TRPM7: variants seen among roughly 807,000 people sequenced by gnomAD.
TRPM7 encodes the protein transient receptor potential cation channel subfamily M member 7, also known as LTRPC ion channel family member 7.
A neutral mutation model predicts 229.7 loss-of-function variants in TRPM7; 134 were observed. The ratio of observed to expected loss-of-function variants is 0.58; its 90% CI spans 0.51 to 0.67. The LOEUF (loss-of-function observed/expected upper bound fraction) is 0.67. Ranked by LOEUF, TRPM7 falls within the 30% of genes least tolerant of loss-of-function variation. TRPM7 has a pLI of 0.00. For missense variants in TRPM7, 1,901 were observed against 2,210.0 expected, an observed-to-expected ratio of 0.86 and a Z score of 2.80; for synonymous variants, 699 against 715.2, an observed-to-expected ratio of 0.98 and a Z score of 0.36.
chr15:50,562,830 A>G (rs187355654), intron 38 of TRPM7, among the ~76,000 whole-genome samples: 246 of 152,140 alleles, frequency 1.6e-3, no homozygotes, highest in Admixed American at 4.3e-3. Flanking sequence ...AATGAGGGAC[A>G]GATGGAAGAT....
At chr15:50,643,642 G>A in intron 4 of TRPM7, 89 bp from the exon 5 acceptor site, 2 of 944,270 alleles carry the variant, frequency 2.1e-6, no homozygotes, top group Admixed American at 4.7e-5. Context: ...AATTTTATAT[G>A]AATCAGATTA....
chr15:50,574,184 T>C (rs2054027996), intron 36 of TRPM7, 90 bp downstream of exon 36: 9 of 1,037,352 alleles, frequency 8.7e-6, no homozygotes, highest in South Asian at 1.5e-5. Flanking sequence ...AAGATTTTAT[T>C]TATCTATAAA....
intron 3 of TRPM7, 59 bp from the exon 4 acceptor site, chr15:50,648,944 G>T: frequency 7.3e-6 from 10 of 1,362,922 alleles, no homozygotes; most frequent in South Asian, 3.1e-5. Context: ...ATGAAAAAAT[G>T]GAATTAAAAG....
chr15:50,584,554 T>C (rs571629516), intron 28 of TRPM7, among the ~76,000 whole-genome samples: 1 of 151,852 alleles, frequency 6.6e-6, no homozygotes, highest in Non-Finnish European at 1.5e-5. Flanking sequence ...TACAGGTAGG[T>C]TTGAGTATTT....
At chr15:50,608,877 G>A (rs550733142) in intron 19 of TRPM7, among the ~76,000 whole-genome samples, 110 of 152,274 alleles carry the variant, frequency 7.2e-4, no homozygotes, top group African/African-American at 2.6e-3. Context: ...TGTTCCTTCA[G>A]GTTGGTCCAT....
At chr15:50,647,178 T>C (rs1181714095) in intron 4 of TRPM7, among the ~76,000 whole-genome samples, 1 of 152,180 alleles carries the variant, frequency 6.6e-6, no homozygotes, top group Non-Finnish European at 1.5e-5. Context: ...TCACCCAGGC[T>C]GGAGTGCAGT....
At chr15:50,570,646 C>CAGCCTGACCAAA in intron 36 of TRPM7, among the ~76,000 whole-genome samples, 1 of 145,234 alleles carries the variant, frequency 6.9e-6, no homozygotes, top group African/African-American at 2.6e-5. Flanking sequence ...AGTTCGAGAC[C>CAGCCTGACCAAA]AGCCTGACCA....
Position 50,633,012 on chromosome 15 carries a change from A to T in TRPM7, c.1008-20T>A. 1 of 1,573,616 alleles carries T rather than the reference A, an allele frequency of 6.4e-7. No homozygotes were observed. The highest frequency in any genetic ancestry group is 8.6e-7 in the Non-Finnish European group (1 of 1,167,134). The stretch of plus-strand genomic sequence containing the variant: ...AGATTCCTGGAATAAAAGGAAACAT[A>T]ATTCACTGATTTCATCTTCCATTAT... On this transcript the variant is annotated intron_variant, in intron 8 of 38. Transcript: ENST00000646667.
At chr15:50,610,376 C>G (rs1428167989) in intron 17 of TRPM7, among the ~76,000 whole-genome samples, 4 of 152,112 alleles carry the variant, frequency 2.6e-5, no homozygotes, top group African/African-American at 9.7e-5. Flanking sequence ...TGTGATTACT[C>G]AGCTTGTGCC....
chr15:50,657,833 A>T lies in TRPM7; in HGVS notation c.84-14T>A. ...CCTGGAAGGCATCTATTGAACACAA[A>T]AAGGTAAATAAATTATTTCAGGTGA... On this transcript the variant is annotated splice_polypyrimidine_tract_variant and intron_variant, in intron 2 of 38. Coordinates refer to ENST00000646667, the MANE Select transcript of TRPM7 (RefSeq NM_017672.6). 6.2e-7 allele frequency: 1 copy of T among 1,605,188 alleles called. No individual in the cohort carries two copies. Among genetic ancestry groups the T allele is most frequent in the Non-Finnish European group, 8.5e-7 (1 of 1,174,550 alleles).
At chr15:50,678,998 C>T (rs1347685342) in intron 1 of TRPM7, among the ~76,000 whole-genome samples, 17 of 152,148 alleles carry the variant, frequency 1.1e-4, no homozygotes, top group African/African-American at 3.6e-4. Context: ...CTCAGCCTCC[C>T]GAGTAGCTGG....
At chr15:50,615,551 T>C (rs1016625725) in intron 13 of TRPM7, among the ~76,000 whole-genome samples, 1 of 152,204 alleles carries the variant, frequency 6.6e-6, no homozygotes, top group Non-Finnish European at 1.5e-5. Flanking sequence ...TCAGATAATT[T>C]GTATTTTTTA....
In TRPM7 at chr15:50,607,229, A is replaced by C; in HGVS notation, c.2680T>G (p.Phe894Val). 6.2e-7 allele frequency: 1 copy of C among 1,611,284 alleles called. No individual in the cohort carries two copies. The highest frequency in any genetic ancestry group is 8.5e-7 in the Non-Finnish European group (1 of 1,178,908). ...CGGACTTTCTCAATGGCATAAGTAA[A>C]AATATAAGCAATAACAATCCATTCT... Reference protein sequence around the residue: ...VQEWIVIAYIFTYAIEKVREI... With the variant: ...VQEWIVIAYIVTYAIEKVREI... Residue 894 changes from phenylalanine to valine, a missense_variant, in exon 20 of 39, where the codon TTT becomes GTT. Phe to Val is a conservative substitution (Grantham distance 50). This residue lies in a region of TRPM7 where 207 missense variants were observed against 241.5 expected (regional missense o/e 0.86). Coordinates refer to ENST00000646667, the MANE Select transcript of TRPM7 (RefSeq NM_017672.6).
intron 24 of TRPM7, 56 bp downstream of exon 24, chr15:50,594,373 G>T (rs1024290971): frequency 2.2e-6 from 3 of 1,390,552 alleles, no homozygotes; most frequent in Non-Finnish European, 3.0e-6. Flanking sequence ...ATAGCCTTTG[G>T]TGTAAAAATG....
At chr15:50,626,184 G>A (rs538808472) in intron 11 of TRPM7, among the ~76,000 whole-genome samples, 1 of 152,038 alleles carries the variant, frequency 6.6e-6, no homozygotes, top group South Asian at 2.1e-4. Context: ...TGCCACTCTT[G>A]AACATTTATA....
At chr15:50,663,985 C>A (rs1005479419) in intron 1 of TRPM7, among the ~76,000 whole-genome samples, 3 of 151,080 alleles carry the variant, frequency 2.0e-5, no homozygotes, top group African/African-American at 7.3e-5. Flanking sequence ...GCAAAAAAAA[C>A]CTGAAAAAAA....
intron 36 of TRPM7, among the ~76,000 whole-genome samples, chr15:50,570,941 T>G (rs1383261108): frequency 6.6e-6 from 1 of 152,098 alleles, no homozygotes; most frequent in African/African-American, 2.4e-5. Flanking sequence ...CACATTTTCT[T>G]GCAAAACATT....
At chr15:50,612,379 A>G (rs979770544) in intron 16 of TRPM7, among the ~76,000 whole-genome samples, 170 bp downstream of exon 16, 3 of 152,246 alleles carry the variant, frequency 2.0e-5, no homozygotes, top group African/African-American at 4.8e-5. Context: ...TAGAGGCAGA[A>G]AGTTTCTTTT....
At chr15:50,599,059 T>C in intron 22 of TRPM7, 63 bp downstream of exon 22, 9 of 1,253,136 alleles carry the variant, frequency 7.2e-6, no homozygotes, top group Non-Finnish European at 8.8e-6. Context: ...ATTACTATAA[T>C]TCAATATTGG....
Sources: allele counts gnomAD v4.1 joint callset (sites outside exome capture counted in the v4.1 genomes callset), GRCh38; gene constraint gnomAD v4.1.1; regional missense constraint gnomAD v4.1.1; transcripts MANE v1.5; gene names NCBI Gene and HGNC (gene_info 2026-07-23, HGNC 2026-07-21).